ZBTB38: variants seen among roughly 807,000 people sequenced by gnomAD.
ZBTB38 encodes the protein zinc finger and BTB domain containing 38, also known as zinc finger and BTB domain-containing protein 38.
Under a neutral mutation model 76.8 loss-of-function variants are expected in ZBTB38, and 20 were observed. That is an observed-to-expected ratio of 0.26 (90% CI 0.18 to 0.38). ZBTB38 has a LOEUF of 0.38. Among genes scored for constraint, ZBTB38 ranks in the 10% least tolerant of loss-of-function variants. The pLI is 1.00. For missense variants in ZBTB38, 1,082 were observed against 1,482.3 expected (o/e 0.73, Z 4.43); for synonymous variants, 504 against 544.2 (o/e 0.93, Z 1.03).
At chr3:141,406,022 C>G (rs1954260830) in intron 5 of ZBTB38, among the ~76,000 whole-genome samples, 1 of 152,244 alleles carries the variant, frequency 6.6e-6, no homozygotes, top group East Asian at 1.9e-4. Context: ...GATAGGAGGA[C>G]TAGTAGGAGA....
At chr3:141,417,568 C>T (rs2074353398) in intron 5 of ZBTB38, among the ~76,000 whole-genome samples, 1 of 151,372 alleles carries the variant, frequency 6.6e-6, no homozygotes. Context: ...TCTCTTTCAT[C>T]CCCACCTGTC....
Position 141,445,359 on chromosome 3 carries a change from A to G in ZBTB38, c.2971A>G (p.Lys991Glu). Residue 991 changes from lysine (K) to glutamate (E), a missense_variant, in exon 6 of 6, where the codon AAA becomes GAA. By Grantham distance (56) the Lys-to-Glu change is moderately conservative. This residue lies in a region of ZBTB38 where 471 missense variants were observed against 581.0 expected (regional missense o/e 0.81). Transcript: ENST00000321464. The surrounding 1 kb of genome is among the most constrained non-coding windows in gnomAD (Gnocchi z 6.5). ...KLQCELCDGDKAVGAGNQGRP... is the reference protein window; with the variant it reads ...KLQCELCDGDEAVGAGNQGRP... The stretch of plus-strand genomic sequence containing the variant: ...GCAGTGTGAACTCTGTGATGGAGAC[A>G]AAGCAGTGGGGGCTGGAAACCAAGG... 2 of 1,614,168 alleles carry G rather than the reference A, an allele frequency of 1.2e-6. No individual in the cohort carries two copies. The highest frequency in any genetic ancestry group is 1.7e-6 in the Non-Finnish European group (2 of 1,180,030).
rs752026664 is a variant in ZBTB38, at chr3:141,426,163, A to T, written c.1-16226A>T. On this transcript the variant is annotated intron_variant, in intron 5 of 5. Transcript: ENST00000321464. ...AGGGGCTCCAGCATAAGCAGGAGACATGGTAAGCTGTTCCTTCATAGTGTA... is the reference window on the plus strand; with the variant it reads ...AGGGGCTCCAGCATAAGCAGGAGACTTGGTAAGCTGTTCCTTCATAGTGTA... 1.5e-5 allele frequency: 19 copies of T among 1,289,430 alleles called. No homozygotes were observed. The South Asian group carries it at 2.3e-4, about 16-fold the overall frequency. 79.9% of individuals were successfully genotyped at this position (1,289,430 alleles called of 1,614,324 possible). A position where few individuals can be genotyped will look rare whatever the true frequency, so the allele number is the denominator to read the frequency against.
At chr3:141,334,405 TTTCCTTCCTTCCTTCC>T (rs56692861) in intron 1 of ZBTB38, among the ~76,000 whole-genome samples, 17 of 130,160 alleles carry the variant, frequency 1.3e-4, no homozygotes, top group African/African-American at 3.7e-4. Context: ...TCCTTCCTTC[TTTCCTTCCTTCCTTCC>T]TTCCTTCCTT....
intron 4 of ZBTB38, among the ~76,000 whole-genome samples, chr3:141,397,790 G>A (rs141299869): frequency 3.9e-5 from 6 of 152,280 alleles, no homozygotes; most frequent in South Asian, 4.1e-4. Context: ...TTATATGGGC[G>A]TGGTTCATGG....
chr3:141,400,960 G>C (rs1303134788), intron 4 of ZBTB38, among the ~76,000 whole-genome samples: 1 of 152,182 alleles, frequency 6.6e-6, no homozygotes, highest in Non-Finnish European at 1.5e-5. Flanking sequence ...AACACAGAGA[G>C]CAATACTGCA....
At chr3:141,340,957 A>AAGAAAAGAAAAGAAAGAAGGAAG (rs1189110305) in intron 1 of ZBTB38, among the ~76,000 whole-genome samples, 23 of 70,774 alleles carry the variant, frequency 3.2e-4, no homozygotes, top group African/African-American at 2.5e-3. Flanking sequence ...AAGGAAAGAA[A>AAGAAAAGAAAAGAAAGAAGGAAG]GAAAGAAAGA....
Position 141,445,345 on chromosome 3 carries a change from T to C in ZBTB38, c.2957T>C (p.Leu986Pro), listed in dbSNP as rs1162261565. The C allele has an allele frequency of 6.2e-7, 1 of 1,614,004 alleles. No homozygotes were observed. The highest frequency in any genetic ancestry group is 8.5e-7 in the Non-Finnish European group (1 of 1,180,030). ...TKEMPKLQCE[L>P]CDGDKAVGAG... ...GAGATGCCCAAGCTGCAGTGTGAAC[T>C]CTGTGATGGAGACAAAGCAGTGGGG... Residue 986 changes from leucine (L) to proline (P), a missense_variant, in exon 6 of 6, where the codon CTC becomes CCC. This residue lies in a region of ZBTB38 where 471 missense variants were observed against 581.0 expected (regional missense o/e 0.81). Coordinates refer to ENST00000321464, the MANE Select transcript of ZBTB38 (RefSeq NM_001376113.1). This position sits in a 1 kb window ranked among gnomAD's most constrained non-coding sequence, Gnocchi z 6.5.
intron 2 of ZBTB38, among the ~76,000 whole-genome samples, chr3:141,375,709 G>A (rs1945271379): frequency 6.6e-6 from 1 of 152,200 alleles, no homozygotes; most frequent in African/African-American, 2.4e-5. Flanking sequence ...AAATATGTGG[G>A]CAAATTTGAG....
chr3:141,352,907 G>A (rs756487938), intron 1 of ZBTB38, among the ~76,000 whole-genome samples: 2 of 152,024 alleles, frequency 1.3e-5, no homozygotes, highest in African/African-American at 2.4e-5. Context: ...CAAAATTGAA[G>A]GTAACATAAG....
Position 141,443,933 on chromosome 3 carries a change from A to C in ZBTB38, c.1545A>C (p.Arg515=). 3 of 1,614,206 alleles carry C rather than the reference A, an allele frequency of 1.9e-6. No homozygotes were observed. The highest frequency in any genetic ancestry group is 2.5e-6 in the Non-Finnish European group (3 of 1,180,038). Residue 515 remains arginine (R), a synonymous_variant, in exon 6 of 6, where the codon CGA becomes CGC. Coordinates refer to ENST00000321464, the MANE Select transcript of ZBTB38 (RefSeq NM_001376113.1). The surrounding 1 kb of genome is among the most constrained non-coding windows in gnomAD (Gnocchi z 5.6). ...RHEIWHTGER[R]YQCIFCLETF... is the part of the protein sequence containing the mutation. ...AAATTTGGCATACGGGAGAAAGACG[A>C]TATCAGTGCATTTTCTGTCTTGAAA...
At chr3:141,334,917 G>GA (rs534571930) in intron 1 of ZBTB38, among the ~76,000 whole-genome samples, 61 of 152,198 alleles carry the variant, frequency 4.0e-4, no homozygotes, top group African/African-American at 1.4e-3. Context: ...TTCTAAAAAT[G>GA]AAAAAATGGA....
intron 5 of ZBTB38, among the ~76,000 whole-genome samples, chr3:141,433,601 A>T (rs2078087895): frequency 6.6e-6 from 1 of 152,210 alleles, no homozygotes; most frequent in Non-Finnish European, 1.5e-5. Flanking sequence ...CTGAATAATA[A>T]AATAACATTT....
upstream of ZBTB38, among the ~76,000 whole-genome samples, chr3:141,364,352 G>C (rs1230931065): frequency 6.7e-6 from 1 of 149,926 alleles, no homozygotes; most frequent in Admixed American, 6.7e-5. Context: ...CTTGTGTCTG[G>C]GATATATAAA....
chr3:141,359,217 T>G (rs77362317), intron 1 of ZBTB38, among the ~76,000 whole-genome samples: 7,103 of 152,292 alleles, frequency 0.047, 199 homozygotes, highest in Non-Finnish European at 0.058. Flanking sequence ...ACTCTGACCT[T>G]CCCCCTCATT....
intron 3 of ZBTB38, among the ~76,000 whole-genome samples, chr3:141,384,548 C>T (rs182101211): frequency 1.3e-5 from 2 of 152,208 alleles, no homozygotes. Flanking sequence ...TAGGTGTTTG[C>T]GTCAACCTCC....
chr3:141,437,350 C>G (rs2079036912), intron 5 of ZBTB38, among the ~76,000 whole-genome samples: 1 of 152,192 alleles, frequency 6.6e-6, no homozygotes, highest in East Asian at 1.9e-4. Context: ...TTCTGCCTCC[C>G]TTACTCTCTG....
chr3:141,385,425 C>T (rs1313381471), intron 3 of ZBTB38, among the ~76,000 whole-genome samples: 2 of 152,058 alleles, frequency 1.3e-5, no homozygotes, highest in African/African-American at 2.4e-5. Context: ...TTGTTTTATA[C>T]AGCATGGCAA....
Position 141,431,335 on chromosome 3 carries a change from A to T in ZBTB38, c.1-11054A>T, listed in dbSNP as rs538299636. ...CGAGACTTCGTCTCAAAAAAAAAAAAAAAAAAATATATATATATATTTGGG... is the reference window on the plus strand; with the variant it reads ...CGAGACTTCGTCTCAAAAAAAAAAATAAAAAAATATATATATATATTTGGG... On this transcript the variant is annotated intron_variant, in intron 5 of 5. Transcript: ENST00000321464. Among the ~76,000 whole-genome samples, 147 of 101,510 alleles carry T rather than the reference A, an allele frequency of 1.4e-3. 10 individuals are homozygous for T. Among genetic ancestry groups the T allele is most frequent in the African/African-American group, 8.8e-3 (145 of 16,472 alleles). 66.6% of individuals were successfully genotyped at this position (101,510 alleles called of 152,430 possible).
Sources: gnomAD v4.1 joint callset for allele counts (sites outside exome capture counted in the v4.1 genomes callset) on GRCh38, gnomAD v4.1.1 for gene constraint, gnomAD v4.1.1 regional missense constraint, Gnocchi (gnomAD v3.1) non-coding constraint, MANE v1.5 for transcripts, NCBI Gene and HGNC (gene_info 2026-07-23, HGNC 2026-07-21) for gene names.